The following WDR1 variants were observed in gnomAD, a reference collection of about 807,000 sequenced individuals.
WDR1 encodes WD repeat-containing protein 1.
Under a neutral mutation model 71.9 loss-of-function variants are expected in WDR1, and 21 were observed. That is an observed-to-expected ratio of 0.29 (90% CI 0.21 to 0.42). The LOEUF is 0.42. WDR1 is among the 10% of genes least tolerant of loss of function. The pLI, the probability that WDR1 is intolerant of heterozygous loss-of-function variation, is 1.00. For synonymous variants in WDR1, 424 were observed against 347.4 expected (o/e 1.22, Z -2.45); for missense variants, 696 against 824.5 (o/e 0.84, Z 1.91).
intron 2 of WDR1, among the ~76,000 whole-genome samples, chr4:10,108,712 G>A (rs192217160): frequency 1.3e-5 from 2 of 152,222 alleles, no homozygotes; most frequent in African/African-American, 4.8e-5. Flanking sequence ...AAAAACCTCA[G>A]CTCCAAAGCA....
chr4:10,088,878 C>A, intron 5 of WDR1, 137 bp from the exon 6 acceptor site: 1 of 716,130 alleles, frequency 1.4e-6, no homozygotes, highest in South Asian at 1.7e-5. Flanking sequence ...AATTTCAGAG[C>A]TTAAAAAAAC....
chr4:10,106,538 G>A (rs1713027779), intron 2 of WDR1: 1 of 152,130 alleles, frequency 6.6e-6, no homozygotes, highest in Non-Finnish European at 1.5e-5. Flanking sequence ...TCCTCCCCAG[G>A]CCGTGCTGCC....
chr4:10,098,802 C>T (rs1233215120), intron 4 of WDR1, among the ~76,000 whole-genome samples, 190 bp downstream of exon 4: 3 of 152,226 alleles, frequency 2.0e-5, no homozygotes, highest in African/African-American at 7.2e-5. Context: ...GTGACAAACC[C>T]AGTGTGATGT....
Position 10,097,777 on chromosome 4 carries a change from C to T in WDR1, c.492G>A (p.Thr164=), listed in dbSNP as rs962844606. The T allele has an allele frequency of 8.7e-6, 14 of 1,613,826 alleles. No individual in the cohort carries two copies. The highest frequency in any genetic ancestry group is 1.3e-5 in the African/African-American group (1 of 75,022). ...IKQSRPYRLA[T]GSDDNCAAFF... ...ATGCCGCGCAGTTATCATCGCTTCCCGTGGCCAGCCGGTATGGCCGGCTCT... is the reference window on the plus strand; with the variant it reads ...ATGCCGCGCAGTTATCATCGCTTCCTGTGGCCAGCCGGTATGGCCGGCTCT... The change falls in exon 5 of 15, where the codon ACG becomes ACA. Residue 164 remains threonine, a synonymous_variant. Transcript: ENST00000499869.
At chr4:10,076,439 ACCT>A (rs1174949826) in intron 14 of WDR1, 1 of 152,052 alleles carries the variant, frequency 6.6e-6, no homozygotes, top group Non-Finnish European at 1.5e-5. Context: ...ACAGACCCCG[ACCT>A]CCTAATCTCT....
intron 5 of WDR1, among the ~76,000 whole-genome samples, chr4:10,089,082 TA>T (rs1186050909): frequency 6.6e-6 from 1 of 152,116 alleles, no homozygotes; most frequent in Non-Finnish European, 1.5e-5. Context: ...CCCCAATCCT[TA>T]AGCTTCACGA....
intron 9 of WDR1, 49 bp from the exon 10 acceptor site, chr4:10,083,227 C>T (rs1316754820): frequency 6.3e-7 from 1 of 1,585,742 alleles, no homozygotes; most frequent in African/African-American, 1.3e-5. Context: ...GCTGGGTGTT[C>T]TCAGGTGTGG....
intron 12 of WDR1, among the ~76,000 whole-genome samples, chr4:10,078,453 C>T (rs77471692): frequency 9.9e-4 from 151 of 152,280 alleles, no homozygotes; most frequent in African/African-American, 3.2e-3. Context: ...TGGTTAGTAC[C>T]GCACCTTGAA....
intron 3 of WDR1, among the ~76,000 whole-genome samples, chr4:10,102,799 G>C (rs1712758653): frequency 1.3e-5 from 2 of 152,276 alleles, no homozygotes; most frequent in South Asian, 4.1e-4. Context: ...CTCCCCTACT[G>C]GTGCTTAGCT....
chr4:10,079,697 G>A (rs1428849103), intron 11 of WDR1, among the ~76,000 whole-genome samples: 1 of 152,144 alleles, frequency 6.6e-6, no homozygotes, highest in Non-Finnish European at 1.5e-5. Context: ...CCCTACCCAA[G>A]CCACCAGCTG....
chr4:10,103,865 G>A, intron 3 of WDR1, 31 bp downstream of exon 3: 1 of 1,336,314 alleles, frequency 7.5e-7, no homozygotes, highest in Admixed American at 2.3e-5. Context: ...GGCCCCCACA[G>A]GTGTCCACGA....
At chr4:10,089,047 C>T (rs971271993) in intron 5 of WDR1, among the ~76,000 whole-genome samples, 1 of 152,192 alleles carries the variant, frequency 6.6e-6, no homozygotes, top group African/African-American at 2.4e-5. Context: ...TGCCCTCTTC[C>T]CTCTGGGCTC....
rs142543598 is a variant in WDR1 at position 10,101,476 on chromosome 4, C to T, written c.230-2337G>A. Among the ~76,000 whole-genome samples, 341 of 152,334 alleles carry T rather than the reference C, an allele frequency of 2.2e-3. 1 individual carries two copies. The highest frequency in any genetic ancestry group is 7.7e-3 in the African/African-American group (321 of 41,554). ...CCAATGTAAGCCTTAACAATTGCTT[C>T]GCTCTATTCAAAGAAATGTATTAGA... On this transcript the variant is annotated intron_variant, in intron 3 of 14. Coordinates refer to ENST00000499869, the MANE Select transcript of WDR1 (RefSeq NM_017491.5).
chr4:10,078,843 AC>A, intron 12 of WDR1, 47 bp downstream of exon 12: 1 of 1,515,720 alleles, frequency 6.6e-7, no homozygotes, highest in Non-Finnish European at 9.1e-7. Flanking sequence ...TCCCCAAATC[AC>A]CCAGATACCA....
Position 10,106,324 on chromosome 4 carries a change from G to A in WDR1, c.139-2338C>T, listed in dbSNP as rs1713013200. 2.0e-5 allele frequency: 3 copies of A among 152,244 alleles called. No individual in the cohort carries two copies. The South Asian group carries it at 6.2e-4, about 31-fold the overall frequency. The allele number at this position is 152,244 out of a possible 1,614,324, so 9.4% of individuals were successfully genotyped here. A position where few individuals can be genotyped will look rare whatever the true frequency, so the allele number is the denominator to read the frequency against. On this transcript the variant is annotated intron_variant, in intron 2 of 14. Transcript: ENST00000499869. ...ATCCAACCCTCTCCCACTCCAATTA[G>A]TCCTTCATATTCTGACACTGACACA...
intron 3 of WDR1, 114 bp downstream of exon 3, chr4:10,103,782 A>ACCCCCC: frequency 1.4e-5 from 1 of 72,402 alleles, no homozygotes; most frequent in Non-Finnish European, 2.9e-5. Context: ...CTGCTCCCCC[A>ACCCCCC]CCCCCCACCT....
Position 10,103,892 on chromosome 4 carries a change from G to T in WDR1, c.229+4C>A. The T allele has an allele frequency of 6.4e-7, 1 of 1,556,984 alleles. No individual in the cohort carries two copies. The highest frequency in any genetic ancestry group is 8.7e-7 in the Non-Finnish European group (1 of 1,149,060). ...TGTCCACGAGCCTTGCCCCCATACA[G>T]TACCTCCGGAGGCAATGTAGAATCC... is the stretch of plus-strand genomic sequence containing the variant. On this transcript the variant is annotated splice_donor_region_variant and intron_variant, in intron 3 of 14. Transcript: ENST00000499869.
chr4:10,075,622 G>A (rs1435071976), intron 14 of WDR1, 138 bp from the exon 15 acceptor site: 3 of 773,992 alleles, frequency 3.9e-6, no homozygotes, highest in Non-Finnish European at 6.5e-6. Context: ...TGTAACTCAG[G>A]AGCCTGGCAC....
At chr4:10,077,565 T>G in intron 13 of WDR1, 117 bp from the exon 14 acceptor site, 1 of 1,527,552 alleles carries the variant, frequency 6.5e-7, no homozygotes, top group Non-Finnish European at 8.9e-7. Context: ...ACGCGCTAAC[T>G]CTATGCCAGC....
Sources: gnomAD v4.1 joint callset for allele counts (sites outside exome capture counted in the v4.1 genomes callset) on GRCh38, gnomAD v4.1.1 for gene constraint, MANE v1.5 for transcripts, NCBI Gene and HGNC (gene_info 2026-07-23, HGNC 2026-07-21) for gene names.